SCP2: variants seen among roughly 807,000 people sequenced by gnomAD.
SCP2 encodes the protein sterol carrier protein 2.
SCP2 carries 48 observed loss-of-function variants against 71.4 expected under a neutral mutation model. That is an observed-to-expected ratio of 0.67 (90% confidence interval 0.53 to 0.86). The LOEUF is 0.86. Among genes scored for constraint, SCP2 ranks in the 40% least tolerant of loss-of-function variants. SCP2 has a pLI of 0.00. For synonymous variants in SCP2, 220 were observed against 218.1 expected, an observed-to-expected ratio of 1.01 and a Z score of -0.08; for missense variants, 560 against 655.6, an observed-to-expected ratio of 0.85 and a Z score of 1.59.
In SCP2 at chr1:52,950,769, G is replaced by A; in HGVS notation, c.214G>A (p.Gly72Arg). Residue 72 changes from glycine (G) to arginine (R), a missense_variant, in exon 4 of 16, where the codon GGG becomes AGG. Transcript: ENST00000371514. ...TTTCTATTCAGGTGACTCTACCTGT[G>A]GGCAGAGGGCTATCTATCACAGTTT... The part of the protein sequence containing the change: ...VGYVFGDSTC[G>R]QRAIYHSLGM... The A allele has an allele frequency of 1.2e-6, 2 of 1,613,400 alleles. No individual in the cohort carries two copies. The highest frequency in any genetic ancestry group is 1.7e-6 in the Non-Finnish European group (2 of 1,179,500).
chr1:52,955,339 C>T (rs1326557431), intron 5 of SCP2, among the ~76,000 whole-genome samples: 1 of 152,056 alleles, frequency 6.6e-6, no homozygotes, highest in East Asian at 1.9e-4. Flanking sequence ...TTTAACAGCC[C>T]CCTGGAATGA....
intron 11 of SCP2, chr1:52,993,548 C>T (rs1659692621): frequency 1.9e-6 from 3 of 1,612,264 alleles, no homozygotes; most frequent in South Asian, 2.2e-5. Flanking sequence ...CAACAGGAAG[C>T]CCTCGCCAGT....
chr1:52,999,899 C>T (rs1660199191), intron 11 of SCP2, among the ~76,000 whole-genome samples: 1 of 149,160 alleles, frequency 6.7e-6, no homozygotes, highest in Non-Finnish European at 1.5e-5. Context: ...TCATTGCAAC[C>T]TCTGCCTCCC....
At chr1:52,981,462 A>C (rs1244840226) in intron 10 of SCP2, among the ~76,000 whole-genome samples, 1 of 150,200 alleles carries the variant, frequency 6.7e-6, no homozygotes, top group African/African-American at 2.5e-5. Flanking sequence ...TTTGAGACAG[A>C]GTCTCGCTTT....
At chr1:52,951,246 C>T (rs1220424687) in intron 4 of SCP2, among the ~76,000 whole-genome samples, 3 of 151,908 alleles carry the variant, frequency 2.0e-5, no homozygotes, top group Non-Finnish European at 4.4e-5. Flanking sequence ...GGCACCACTG[C>T]ACTCCAGCTT....
intron 11 of SCP2, among the ~76,000 whole-genome samples, chr1:53,007,275 C>G (rs1156834569): frequency 6.6e-6 from 1 of 152,012 alleles, no homozygotes; most frequent in East Asian, 1.9e-4. Context: ...CACCAAGTGG[C>G]CTTAATAGAC....
At chr1:52,962,735 T>C (rs763507525) in intron 6 of SCP2, among the ~76,000 whole-genome samples, 3 of 152,122 alleles carry the variant, frequency 2.0e-5, no homozygotes, top group Non-Finnish European at 4.4e-5. Flanking sequence ...GCTCCCTTGC[T>C]TCCATCAGGT....
At position 52,927,380 on chromosome 1, in the gene SCP2, C is replaced by T. The variant is rs1652521354; in HGVS notation, c.-17C>T. On this transcript the variant is annotated 5_prime_UTR_variant, in exon 1 of 16. Coordinates refer to ENST00000371514, the MANE Select transcript of SCP2 (RefSeq NM_002979.5). ...AGTCGTCCGCGGCGCCCGCCCCGGT[C>T]CCGCACTGGTGCAGCCATGTCCTCT... is the stretch of plus-strand genomic sequence containing the variant. 6.3e-7 allele frequency: 1 copy of T among 1,575,102 alleles called. No homozygotes were observed. Among genetic ancestry groups the T allele is most frequent in the East Asian group, 2.3e-5 (1 of 43,330 alleles).
In SCP2 at chr1:52,927,476, C is replaced by T; in HGVS notation, c.69+11C>T. On this transcript the variant is annotated intron_variant, in intron 1 of 15. Coordinates refer to ENST00000371514, the MANE Select transcript of SCP2 (RefSeq NM_002979.5). ...GTTGGCATGACCAAGGTAAACCGAG[C>T]AGCGGCCCTGCTGGCCCTCTGAGGC... is the stretch of plus-strand genomic sequence containing the variant. 2 of 1,589,128 alleles carry T rather than the reference C, an allele frequency of 1.3e-6. No individual in the cohort carries two copies. The highest frequency in any genetic ancestry group is 1.3e-5 in the African/African-American group (1 of 74,806).
chr1:52,990,628 G>A (rs1486465644), intron 11 of SCP2, among the ~76,000 whole-genome samples: 1 of 151,478 alleles, frequency 6.6e-6, no homozygotes, highest in African/African-American at 2.4e-5. Flanking sequence ...CAGCTACTTG[G>A]GAGGCTGAGG....
intron 11 of SCP2, among the ~76,000 whole-genome samples, chr1:53,013,882 CTTTTTTTTTTTTTTTTT>C (rs71044449): frequency 6.3e-5 from 4 of 63,056 alleles, no homozygotes; most frequent in Non-Finnish European, 3.3e-5. Context: ...ATAGAACATT[CTTTTTTTTTTTTTTTTT>C]TTTTTTTTTT....
chr1:52,990,214 G>C (rs1037657996), intron 11 of SCP2, among the ~76,000 whole-genome samples: 8 of 152,048 alleles, frequency 5.3e-5, no homozygotes, highest in Non-Finnish European at 1.0e-4. Flanking sequence ...AACTGGGAAA[G>C]AGGAGGATTT....
At chr1:53,037,950 TACACACACACACACAC>T (rs67763248) in intron 13 of SCP2, among the ~76,000 whole-genome samples, 3,865 of 120,428 alleles carry the variant, frequency 0.032, 113 homozygotes, top group Middle Eastern at 0.075. Flanking sequence ...CCTGTCTCTA[TACACACACACACACAC>T]ACACACACAC....
chr1:52,964,723 A>G (rs996666666), intron 6 of SCP2, among the ~76,000 whole-genome samples: 1 of 152,076 alleles, frequency 6.6e-6, no homozygotes, highest in African/African-American at 2.4e-5. Flanking sequence ...GTAATTTTTA[A>G]AAAATGTAAG....
At chr1:53,048,055 C>T (rs1184469013) in intron 15 of SCP2, 118 bp downstream of exon 15, 1 of 753,302 alleles carries the variant, frequency 1.3e-6, no homozygotes, top group African/African-American at 1.7e-5. Flanking sequence ...TCAGTGTTCC[C>T]CAAACAGTTG....
At chr1:52,947,613 A>G (rs761746693) in intron 2 of SCP2, among the ~76,000 whole-genome samples, 2 of 152,178 alleles carry the variant, frequency 1.3e-5, no homozygotes, top group Non-Finnish European at 2.9e-5. Context: ...TTGTAAGATG[A>G]GCACATTAGT....
In SCP2 at chr1:52,961,463, T is replaced by C. The variant is rs760939199; in HGVS notation, c.397-40T>C. ...GTAGTAGTTTTGAAAGAGACACTTA[T>C]CATGTCAGCTGCTTATGAAATTTTG... On this transcript the variant is annotated intron_variant, in intron 5 of 15. Coordinates refer to ENST00000371514, the MANE Select transcript of SCP2 (RefSeq NM_002979.5). The C allele has an allele frequency of 1.4e-5, 22 of 1,608,726 alleles. No individual in the cohort carries two copies. In the Middle Eastern group the frequency reaches 5.0e-4, roughly 36 times the overall value.
At chr1:53,050,567 AC>A (rs1386496350) in intron 15 of SCP2, 41 bp from the exon 16 acceptor site, 1 of 1,330,456 alleles carries the variant, frequency 7.5e-7, no homozygotes, top group South Asian at 1.2e-5. Context: ...CAATCTTAAA[AC>A]AAAAAAACAC....
chr1:53,014,920 A>C lies in SCP2; in HGVS notation c.1112A>C (p.Gln371Pro), dbSNP rs1364381921. ...GCTCAGTGTGCAGAACTCTGCTGGC[A>C]GCTGAGAGGGGAAGCCGGAAAGAGG... ...GLAQCAELCWQLRGEAGKRQV... is the reference protein window; with the variant it reads ...GLAQCAELCWPLRGEAGKRQV... Residue 371 changes from glutamine to proline, a missense_variant, in exon 12 of 16, where the codon CAG becomes CCG. Around this residue, in one of 3 missense-constraint regions of SCP2, gnomAD observed 513 missense variants for 573.1 expected, o/e 0.90. Transcript: ENST00000371514. The C allele has an allele frequency of 3.1e-6, 5 of 1,613,480 alleles. No homozygotes were observed. The highest frequency in any genetic ancestry group is 4.2e-6 in the Non-Finnish European group (5 of 1,179,942).
Sources: gnomAD v4.1 joint callset for allele counts (sites outside exome capture counted in the v4.1 genomes callset) on GRCh38, gnomAD v4.1.1 for gene constraint, gnomAD v4.1.1 regional missense constraint, MANE v1.5 for transcripts, NCBI Gene and HGNC (gene_info 2026-07-23, HGNC 2026-07-21) for gene names.